Variants in RABGAP1L observed in about 807,000 individuals in gnomAD.
RABGAP1L encodes RAB GTPase activating protein 1 like, also known as rab GTPase-activating protein 1-like.
In RABGAP1L, 63 loss-of-function variants were observed where a neutral mutation model predicts 137.7. The ratio of observed to expected loss-of-function variants is 0.46; its 90% CI spans 0.37 to 0.56. RABGAP1L has a LOEUF of 0.56. Among genes scored for constraint, RABGAP1L ranks in the 20% least tolerant of loss-of-function variants. The pLI, the probability that RABGAP1L is intolerant of heterozygous loss-of-function variation, is 0.00. For synonymous variants in RABGAP1L, 431 were observed against 433.7 expected, an observed-to-expected ratio of 0.99 and a Z score of 0.08; for missense variants, 1,095 against 1,244.0, an observed-to-expected ratio of 0.88 and a Z score of 1.80.
rs555039590 is a variant in RABGAP1L at position 174,716,345 on chromosome 1, C to A, written c.2169+14089C>A. Among the ~76,000 whole-genome samples the A allele has an allele frequency of 7.2e-5, 11 of 152,286 alleles. No individual in the cohort carries two copies. In the East Asian group the frequency reaches 2.1e-3, roughly 29 times the overall value. ...AGTGGCTATTCACAGACATTATCAT[C>A]ATAGTGGCGCACTACAGCCTTGAAA... On this transcript the variant is annotated intron_variant, in intron 17 of 25. Coordinates refer to ENST00000681986, the MANE Select transcript of RABGAP1L (RefSeq NM_001366446.1).
chr1:174,765,134 C>G (rs951491796), intron 18 of RABGAP1L, among the ~76,000 whole-genome samples: 1 of 152,154 alleles, frequency 6.6e-6, no homozygotes, highest in African/African-American at 2.4e-5. Context: ...AGGAGACAAT[C>G]GAAACAATGA....
chr1:174,244,885 A>T (rs1433055124), intron 5 of RABGAP1L: 1 of 152,190 alleles, frequency 6.6e-6, no homozygotes. Context: ...TTAGGATACT[A>T]TTCAGTATTA....
At position 174,833,408 on chromosome 1, in the gene RABGAP1L, G is replaced by GTGTATATA. The variant is rs754029582; in HGVS notation, c.2340+21449_2340+21450insGTATATAT. On this transcript the variant is annotated intron_variant, in intron 19 of 25. Coordinates refer to ENST00000681986, the MANE Select transcript of RABGAP1L (RefSeq NM_001366446.1). ...TGTGTGTGTGTGTGTGTGTATGTGT[G>GTGTATATA]TATGTGTGTGTGTGTATATATATAT... 1.4e-3 allele frequency among the ~76,000 whole-genome samples: 92 copies of GTGTATATA among 67,678 alleles called. 2 individuals are homozygous for GTGTATATA. Among genetic ancestry groups the GTGTATATA allele is most frequent in the South Asian group, 4.2e-3 (6 of 1,428 alleles). 44.4% of individuals were successfully genotyped at this position (67,678 alleles called of 152,430 possible).
chr1:174,293,371 C>T (rs1007213947), intron 10 of RABGAP1L, among the ~76,000 whole-genome samples: 1 of 152,094 alleles, frequency 6.6e-6, no homozygotes, highest in Non-Finnish European at 1.5e-5. Flanking sequence ...ATGAAGAGCA[C>T]TCTGCTCATA....
At chr1:174,633,841 C>T (rs1471482447) in intron 13 of RABGAP1L, among the ~76,000 whole-genome samples, 4 of 126,812 alleles carry the variant, frequency 3.2e-5, no homozygotes, top group African/African-American at 1.0e-4. Context: ...ATGTAGAAAG[C>T]TGAAACTGGA....
At chr1:174,492,347 A>ATTT (rs1273015833) in intron 13 of RABGAP1L, among the ~76,000 whole-genome samples, 7,069 of 123,954 alleles carry the variant, frequency 0.057, 933 homozygotes, top group African/African-American at 0.22. Flanking sequence ...CGCCTGACTA[A>ATTT]TTTTTTTTTT....
At chr1:174,603,446 G>A (rs1332068268) in intron 13 of RABGAP1L, among the ~76,000 whole-genome samples, 1 of 152,028 alleles carries the variant, frequency 6.6e-6, no homozygotes, top group African/African-American at 2.4e-5. Flanking sequence ...ATCCGGAGGC[G>A]ACCACTGCCT....
chr1:174,609,059 C>G (rs182294370), intron 13 of RABGAP1L, among the ~76,000 whole-genome samples: 13 of 152,166 alleles, frequency 8.5e-5, no homozygotes, highest in African/African-American at 2.9e-4. Context: ...AACACTTATG[C>G]CTAATTACCT....
At chr1:174,333,069 A>G (rs550274882) in intron 11 of RABGAP1L, among the ~76,000 whole-genome samples, 86 of 152,358 alleles carry the variant, frequency 5.6e-4, no homozygotes, top group South Asian at 2.7e-3. Context: ...CCAGGCAGAG[A>G]GACACAAATA....
At chr1:174,336,285 A>G (rs1681460754) in intron 11 of RABGAP1L, among the ~76,000 whole-genome samples, 1 of 152,048 alleles carries the variant, frequency 6.6e-6, no homozygotes, top group African/African-American at 2.4e-5. Flanking sequence ...CCACTACCCC[A>G]GGCTAATTTT....
rs1370623149 is a variant in RABGAP1L at position 174,231,326 on chromosome 1, T to C, written c.513T>C (p.Tyr171=). Residue 171 remains tyrosine (Y), a synonymous_variant, in exon 4 of 26, where the codon TAT becomes TAC. Coordinates refer to ENST00000681986, the MANE Select transcript of RABGAP1L (RefSeq NM_001366446.1). ...SSQYPFPVTL[Y]VPNVPEGSVR... ...AATACCCCTTTCCTGTTACCCTGTA[T>C]GTACCAAATGTTCCAGAAGGTTCTG... The C allele has an allele frequency of 2.5e-6, 4 of 1,613,996 alleles. No individual in the cohort carries two copies. In the South Asian group the frequency reaches 4.4e-5, roughly 18 times the overall value.
rs143172261 is a variant in RABGAP1L, at chr1:174,690,587, T to C, written c.1899+6991T>C. Among the ~76,000 whole-genome samples the C allele has an allele frequency of 1.3e-3, 202 of 152,244 alleles. 1 individual carries two copies. The highest frequency in any genetic ancestry group is 4.6e-3 in the African/African-American group (190 of 41,542). ...CATTAATAATTATTTGCCCAGCCAG[T>C]TTTCTTTTGGTCCCTGGTCCAACTA... is the stretch of plus-strand genomic sequence containing the variant. On this transcript the variant is annotated intron_variant, in intron 15 of 25. Coordinates refer to ENST00000681986, the MANE Select transcript of RABGAP1L (RefSeq NM_001366446.1).
intron 19 of RABGAP1L, among the ~76,000 whole-genome samples, chr1:174,894,761 TTTTG>T (rs1656851715): frequency 6.9e-6 from 1 of 145,272 alleles, no homozygotes; most frequent in Non-Finnish European, 1.5e-5. Flanking sequence ...TTTTGTTTTG[TTTTG>T]TGTGTGTGTT....
chr1:174,525,465 C>T (rs1663792491), intron 13 of RABGAP1L, among the ~76,000 whole-genome samples: 1 of 152,020 alleles, frequency 6.6e-6, no homozygotes. Context: ...TCTAGAAATG[C>T]TTCCGATTTT....
chr1:174,803,936 G>C (rs576438501), intron 18 of RABGAP1L, among the ~76,000 whole-genome samples: 150 of 152,010 alleles, frequency 9.9e-4, no homozygotes, highest in Admixed American at 1.8e-3. Context: ...AGTCAGGTGT[G>C]GGGGTGGGCG....
chr1:174,531,218 AG>A (rs1309719774), intron 13 of RABGAP1L, among the ~76,000 whole-genome samples: 3 of 129,140 alleles, frequency 2.3e-5, no homozygotes, highest in Non-Finnish European at 4.7e-5. Context: ...GTTATAACAC[AG>A]GAAGATGGGT....
chr1:174,241,346 A>G, intron 4 of RABGAP1L, 137 bp from the exon 5 acceptor site: 1 of 541,516 alleles, frequency 1.8e-6, no homozygotes, highest in Non-Finnish European at 2.9e-6. Flanking sequence ...AACAAAAAAG[A>G]TAGTTATTTT....
Position 174,231,134 on chromosome 1 carries a change from T to G in RABGAP1L, c.332-11T>G. On this transcript the variant is annotated splice_polypyrimidine_tract_variant and intron_variant, in intron 3 of 25. Transcript: ENST00000681986. ...AATGACTTTTGAGTGTTTCTTTTTT[T>G]GTTTCTTCAGAAATTTCTACACCCA... 1 of 1,586,748 alleles carries G rather than the reference T, an allele frequency of 6.3e-7. No homozygotes were observed. Among genetic ancestry groups the G allele is most frequent in the East Asian group, 2.2e-5 (1 of 44,598 alleles).
rs573681821 is a variant in RABGAP1L, at chr1:174,578,766, A to G, written c.1711-58609A>G. Reference sequence around the variant, plus strand: ...AATTGAATTTTTTGAAGAAATAAACATTGTATTTTCTAAGATAAATTCTTC... The same window carrying G: ...AATTGAATTTTTTGAAGAAATAAACGTTGTATTTTCTAAGATAAATTCTTC... On this transcript the variant is annotated intron_variant, in intron 13 of 25. Coordinates refer to ENST00000681986, the MANE Select transcript of RABGAP1L (RefSeq NM_001366446.1). Among the ~76,000 whole-genome samples the G allele has an allele frequency of 1.9e-4, 29 of 152,232 alleles. No individual in the cohort carries two copies. In the South Asian group the frequency reaches 5.8e-3, roughly 31 times the overall value.
Sources: gnomAD v4.1 joint callset for allele counts (sites outside exome capture counted in the v4.1 genomes callset) on GRCh38, gnomAD v4.1.1 for gene constraint, MANE v1.5 for transcripts, NCBI Gene and HGNC (gene_info 2026-07-23, HGNC 2026-07-21) for gene names.